CUX1: variants seen among roughly 807,000 people sequenced by gnomAD.
CUX1 encodes the protein cut like homeobox 1, also known as protein CASP.
In CUX1, 31 loss-of-function variants were observed where a neutral mutation model predicts 158.8. The ratio of observed to expected loss-of-function variants is 0.20; its 90% CI spans 0.15 to 0.26. The LOEUF (loss-of-function observed/expected upper bound fraction) is 0.26, where lower values mean the gene tolerates loss of function less well. Ranked by LOEUF, CUX1 falls within the 10% of genes least tolerant of loss-of-function variation. The pLI is 1.00. For missense variants in CUX1, 1,589 were observed against 2,014.6 expected (o/e 0.79, Z 4.04); for synonymous variants, 879 against 862.1 (o/e 1.02, Z -0.34).
At chr7:102,106,458 A>G (rs1213490827) in intron 6 of CUX1, among the ~76,000 whole-genome samples, 1 of 152,068 alleles carries the variant, frequency 6.6e-6, no homozygotes, top group Non-Finnish European at 1.5e-5. Context: ...TAGACACTGG[A>G]CCAAATTGAA....
intron 4 of CUX1, among the ~76,000 whole-genome samples, chr7:102,075,980 T>G (rs1826667118): frequency 6.6e-6 from 1 of 152,010 alleles, no homozygotes; most frequent in African/African-American, 2.4e-5. Context: ...GGGTAGGATC[T>G]CCCTCCACCC....
Position 102,256,060 on chromosome 7 carries a change from G to C in CUX1, c.*7018G>C, listed in dbSNP as rs782340023. The C allele has an allele frequency of 3.0e-6, 3 of 985,256 alleles. No homozygotes were observed. In the African/African-American group the frequency reaches 5.2e-5, roughly 17 times the overall value. 61.0% of individuals were successfully genotyped at this position (985,256 alleles called of 1,614,324 possible). A position where few individuals can be genotyped will look rare whatever the true frequency, so the allele number is the denominator to read the frequency against. ...AACCGAAGGGAAAACAGGCCTCCCC[G>C]ACTCCCTCCAGTCTCCCAGCCTGCC... On this transcript the variant is annotated 3_prime_UTR_variant, in exon 24 of 24. Transcript: ENST00000292535.
intron 11 of CUX1, among the ~76,000 whole-genome samples, chr7:102,187,364 C>T (rs1252332715): frequency 6.6e-6 from 1 of 152,096 alleles, no homozygotes; most frequent in Non-Finnish European, 1.5e-5. Context: ...CAAAGAGTCC[C>T]ACTGTTGAGG....
At chr7:102,108,653 A>G (rs1406745772) in intron 6 of CUX1, among the ~76,000 whole-genome samples, 3 of 152,044 alleles carry the variant, frequency 2.0e-5, no homozygotes, top group Admixed American at 6.6e-5. Context: ...TTTTCAAATT[A>G]GGTAAAGGGA....
chr7:102,070,541 C>G (rs746245537), intron 4 of CUX1, 124 bp downstream of exon 4: 9 of 682,880 alleles, frequency 1.3e-5, no homozygotes, highest in Admixed American at 3.0e-5. Flanking sequence ...CAACTTCCCC[C>G]CAAGAAACCA....
At chr7:101,984,077 CAA>C (rs1181549351) in intron 2 of CUX1, among the ~76,000 whole-genome samples, 208 of 16,748 alleles carry the variant, frequency 0.012, 10 homozygotes, top group South Asian at 0.04. Flanking sequence ...TGTCCCCCCC[CAA>C]AAAAAAAAAA....
At chr7:102,266,339 AG>A (rs1415004094) in intron 14 of CUX1, among the ~76,000 whole-genome samples, 7 of 151,866 alleles carry the variant, frequency 4.6e-5, no homozygotes, top group Non-Finnish European at 7.4e-5. Flanking sequence ...CAGGCCGGGA[AG>A]GGGGTCTCTG....
downstream of CUX1, among the ~76,000 whole-genome samples, chr7:102,262,239 TA>T: frequency 6.6e-6 from 1 of 152,150 alleles, no homozygotes; most frequent in East Asian, 1.9e-4. Context: ...CTGTCTCTAC[TA>T]AAAAGACAAA....
Position 102,254,074 on chromosome 7 carries a change from GTC to G in CUX1, c.*5037_*5038del, listed in dbSNP as rs752835432. The stretch of plus-strand genomic sequence containing the variant: ...TCTGCCTGGTGGGCCGGCTTTGTGT[GTC>G]TCTCCTTTTGTGAGCGCAACACGGA... On this transcript the variant is annotated 3_prime_UTR_variant, in exon 24 of 24. Coordinates refer to ENST00000292535, the MANE Select transcript of CUX1 (RefSeq NM_181552.4). 1 of 985,490 alleles carries G rather than the reference GTC, an allele frequency of 1.0e-6. No homozygotes were observed. The highest frequency in any genetic ancestry group is 1.2e-6 in the Non-Finnish European group (1 of 829,976). The allele number at this position is 985,490 out of a possible 1,614,324, so 61.0% of individuals were successfully genotyped here.
intron 1 of CUX1, among the ~76,000 whole-genome samples, chr7:101,913,810 G>A (rs1474895995): frequency 5.9e-5 from 9 of 152,118 alleles, no homozygotes; most frequent in African/African-American, 1.9e-4. Flanking sequence ...AGTTTTCTGC[G>A]TCTGTGTGCG....
At position 102,182,613 on chromosome 7, in the gene CUX1, G is replaced by A. The variant is rs144229681; in HGVS notation, c.1017+3956G>A. On this transcript the variant is annotated intron_variant, in intron 11 of 23. Transcript: ENST00000292535. ...AGGCATGGAAACAGACGCAAAAGTG[G>A]AAGATGTTTCCTCCTGCCTAATCTG... is the stretch of plus-strand genomic sequence containing the variant. Among the ~76,000 whole-genome samples the A allele has an allele frequency of 2.6e-5, 4 of 152,316 alleles. No individual in the cohort carries two copies. The East Asian group carries it at 7.7e-4, about 29-fold the overall frequency.
intron 20 of CUX1, among the ~76,000 whole-genome samples, chr7:102,211,438 C>T (rs938672122): frequency 2.0e-5 from 3 of 151,340 alleles, no homozygotes; most frequent in South Asian, 4.2e-4. Flanking sequence ...AAAGCGAGAC[C>T]CTCTCCGCCC....
At chr7:102,023,292 C>T (rs2129324298) in intron 2 of CUX1, among the ~76,000 whole-genome samples, 1 of 152,232 alleles carries the variant, frequency 6.6e-6, no homozygotes, top group East Asian at 1.9e-4. Context: ...CCAGCCTGAA[C>T]CCCACTTTTT....
chr7:102,098,659 T>C (rs1829445908), intron 5 of CUX1, among the ~76,000 whole-genome samples: 1 of 129,906 alleles, frequency 7.7e-6, no homozygotes, highest in Non-Finnish European at 1.6e-5. Context: ...TTTTTTTTTT[T>C]GAGATGGAGT....
At chr7:101,842,855 G>T (rs1163115367) in intron 1 of CUX1, among the ~76,000 whole-genome samples, 2 of 143,276 alleles carry the variant, frequency 1.4e-5, no homozygotes. Context: ...TATTCGTTTT[G>T]ACATTAAAAT....
intron 2 of CUX1, among the ~76,000 whole-genome samples, chr7:102,020,788 G>A (rs957548995): frequency 6.6e-6 from 1 of 151,950 alleles, no homozygotes; most frequent in African/African-American, 2.4e-5. Flanking sequence ...GCTGAGGCAG[G>A]AGAATTGCTT....
intron 21 of CUX1, among the ~76,000 whole-genome samples, chr7:102,231,054 G>A (rs1222879026): frequency 7.2e-6 from 1 of 138,388 alleles, no homozygotes; most frequent in Non-Finnish European, 1.5e-5. Context: ...TTTTGAGATG[G>A]AGTCTCGCTC....
intron 17 of CUX1, among the ~76,000 whole-genome samples, chr7:102,276,136 A>G (rs782773786): frequency 6.6e-6 from 1 of 152,058 alleles, no homozygotes; most frequent in Non-Finnish European, 1.5e-5. Context: ...GTGGCGGATA[A>G]TTCTGCTGTG....
At chr7:102,176,332 C>G (rs1792329545) in intron 10 of CUX1, among the ~76,000 whole-genome samples, 2 of 152,180 alleles carry the variant, frequency 1.3e-5, no homozygotes. Flanking sequence ...CGGTGCCACC[C>G]TTTCCCCACA....
Sources: gnomAD v4.1 joint callset for allele counts (sites outside exome capture counted in the v4.1 genomes callset) on GRCh38, gnomAD v4.1.1 for gene constraint, MANE v1.5 for transcripts, NCBI Gene and HGNC (gene_info 2026-07-23, HGNC 2026-07-21) for gene names.